Variants in C12orf42 observed in about 807,000 individuals in gnomAD.
The protein encoded by C12orf42 is uncharacterized protein C12orf42.
Under a neutral mutation model 21.6 loss-of-function variants are expected in C12orf42, and 25 were observed. The observed-to-expected ratio is 1.16, with a 90% CI of 0.84 to 1.62. The LOEUF (loss-of-function observed/expected upper bound fraction) is 1.62. Ranked by LOEUF, C12orf42 falls within the 40% of genes most tolerant of loss-of-function variation. The pLI, the probability that C12orf42 is intolerant of heterozygous loss-of-function variation, is 0.00. For missense variants in C12orf42, 483 were observed against 459.3 expected (o/e 1.05, Z -0.47); for synonymous variants, 174 against 175.0 (o/e 0.99, Z 0.05).
At chr12:103,454,467 TTTTA>T (rs1311946985) in intron 2 of C12orf42, among the ~76,000 whole-genome samples, 12 of 152,254 alleles carry the variant, frequency 7.9e-5, no homozygotes, top group African/African-American at 2.9e-4. Context: ...CTATTTCTCT[TTTTA>T]TTTGTGATAT....
intron 2 of C12orf42, among the ~76,000 whole-genome samples, chr12:103,476,436 T>G: frequency 6.6e-6 from 1 of 152,188 alleles, no homozygotes; most frequent in East Asian, 1.9e-4. Flanking sequence ...GTCCAAAAAC[T>G]GAGAGGAAGA....
chr12:103,472,169 C>G (rs1261373026), intron 2 of C12orf42, among the ~76,000 whole-genome samples: 1 of 150,080 alleles, frequency 6.7e-6, no homozygotes, highest in Admixed American at 6.7e-5. Context: ...ATTCTCCTGC[C>G]TCAGCCTCAC....
chr12:103,384,650 C>T (rs938471144), intron 3 of C12orf42, among the ~76,000 whole-genome samples: 1 of 152,148 alleles, frequency 6.6e-6, no homozygotes, highest in African/African-American at 2.4e-5. Context: ...TCAAAGAAAG[C>T]ATGAACCAAT....
chr12:103,334,732 A>G (rs768923755), intron 4 of C12orf42, among the ~76,000 whole-genome samples: 1 of 152,136 alleles, frequency 6.6e-6, no homozygotes, highest in Non-Finnish European at 1.5e-5. Context: ...CAAACTGCCC[A>G]AAGAAATCGC....
Position 103,394,641 on chromosome 12 carries a change from G to A in C12orf42, c.147+6966C>T, listed in dbSNP as rs561344873. Among the ~76,000 whole-genome samples, 68 of 152,254 alleles carry A rather than the reference G, an allele frequency of 4.5e-4. 1 individual carries two copies. The South Asian group carries it at 0.01, about 23-fold the overall frequency. ...GCAATTTTTTTCCACAAATACTAACGATTGTTTCCCAACAATTCTATCAAT... is the reference window on the plus strand; with the variant it reads ...GCAATTTTTTTCCACAAATACTAACAATTGTTTCCCAACAATTCTATCAAT... On this transcript the variant is annotated intron_variant, in intron 3 of 5. Coordinates refer to ENST00000548883, the MANE Select transcript of C12orf42 (RefSeq NM_198521.5).
At chr12:103,222,537 G>A in the C12orf42 span, among the ~76,000 whole-genome samples, 7 of 152,192 alleles carry the variant, frequency 4.6e-5, no homozygotes, top group Admixed American at 1.3e-4. Context: ...CAGGGGATGC[G>A]ATAGCTTGGC....
chr12:103,504,987 C>A, the C12orf42 span: 1 of 178,552 alleles, frequency 5.6e-6, no homozygotes. Context: ...CAGAGACAGG[C>A]CTGGCTGGAC....
intron 4 of C12orf42, among the ~76,000 whole-genome samples, chr12:103,344,716 A>T (rs2042462060): frequency 1.3e-5 from 2 of 152,198 alleles, no homozygotes. Context: ...ACAAGGGCAC[A>T]TTTTGGGCTG....
At chr12:103,264,186 A>T (rs1193505975), downstream of C12orf42, among the ~76,000 whole-genome samples, 1 of 151,068 alleles carries the variant, frequency 6.6e-6, no homozygotes, top group Non-Finnish European at 1.5e-5. Flanking sequence ...TCAAGAGCTT[A>T]CTCCTCCACT....
chr12:103,223,732 C>G, the C12orf42 span, among the ~76,000 whole-genome samples: 70,330 of 151,484 alleles, frequency 0.46, 16,631 homozygotes, highest in East Asian at 0.59. Context: ...CTGGTGTCTG[C>G]AATGAGACTG....
At chr12:103,280,384 G>T (rs961160051) in intron 4 of C12orf42, among the ~76,000 whole-genome samples, 6 of 152,170 alleles carry the variant, frequency 3.9e-5, no homozygotes, top group Non-Finnish European at 8.8e-5. Flanking sequence ...TTGGGAGGCC[G>T]AGGCAGGCAG....
At chr12:103,149,742 A>C in the C12orf42 span, among the ~76,000 whole-genome samples, 2 of 152,110 alleles carry the variant, frequency 1.3e-5, no homozygotes, top group Admixed American at 1.3e-4. Context: ...AAGTTTCCTG[A>C]TGCCTCCGCA....
the C12orf42 span, among the ~76,000 whole-genome samples, chr12:103,514,045 G>A: frequency 6.6e-6 from 1 of 152,152 alleles, no homozygotes; most frequent in African/African-American, 2.4e-5. Context: ...TAGCTGGGGA[G>A]GCCTCAGGAT....
intron 4 of C12orf42, among the ~76,000 whole-genome samples, chr12:103,315,987 TAC>T (rs374073412): frequency 2.0e-5 from 3 of 150,726 alleles, no homozygotes; most frequent in Non-Finnish European, 3.0e-5. Context: ...TATATATATA[TAC>T]ACACACACAG....
intron 2 of C12orf42, among the ~76,000 whole-genome samples, chr12:103,430,185 A>G (rs1950162643): frequency 1.3e-5 from 2 of 151,906 alleles, no homozygotes; most frequent in African/African-American, 2.4e-5. Context: ...AACTTACAGA[A>G]TGGGAGAAAA....
chr12:103,215,935 C>T, the C12orf42 span, among the ~76,000 whole-genome samples: 2 of 152,188 alleles, frequency 1.3e-5, no homozygotes, highest in African/African-American at 4.8e-5. Flanking sequence ...GTCTCCCTCT[C>T]GGAGAGGAGA....
chr12:103,454,767 T>C (rs1286264397), intron 2 of C12orf42, among the ~76,000 whole-genome samples: 1 of 152,178 alleles, frequency 6.6e-6, no homozygotes, highest in Non-Finnish European at 1.5e-5. Context: ...CCATCTTTGT[T>C]TCCACTGATA....
the C12orf42 span, among the ~76,000 whole-genome samples, chr12:103,095,242 T>C: frequency 6.6e-6 from 1 of 152,182 alleles, no homozygotes; most frequent in Non-Finnish European, 1.5e-5. Flanking sequence ...TGGAAACCTC[T>C]AGTAGCCCCA....
intron 2 of C12orf42, among the ~76,000 whole-genome samples, chr12:103,406,261 T>C (rs550354893): frequency 1.3e-5 from 2 of 152,274 alleles, no homozygotes; most frequent in African/African-American, 4.8e-5. Flanking sequence ...GAGATTCTGG[T>C]TTTATAACAA....
Sources: allele counts gnomAD v4.1 joint callset (sites outside exome capture counted in the v4.1 genomes callset), GRCh38; gene constraint gnomAD v4.1.1; transcripts MANE v1.5; gene names NCBI Gene and HGNC (gene_info 2026-07-23, HGNC 2026-07-21).